ARHGEF7: variants seen among roughly 807,000 people sequenced by gnomAD.
ARHGEF7 encodes the protein PAK-interacting exchange factor beta.
ARHGEF7 carries 33 observed loss-of-function variants against 109.8 expected under a neutral mutation model. The ratio of observed to expected loss-of-function variants is 0.30; its 90% CI spans 0.23 to 0.40. The LOEUF (loss-of-function observed/expected upper bound fraction) is 0.40, where lower values mean the gene tolerates loss of function less well. ARHGEF7 is among the 10% of genes least tolerant of loss of function. The pLI is 1.00. For synonymous variants in ARHGEF7, 458 were observed against 424.6 expected (o/e 1.08, Z -0.97); for missense variants, 938 against 1,098.5 (o/e 0.85, Z 2.07).
At chr13:111,140,208 A>G (rs1185688798) in intron 1 of ARHGEF7, among the ~76,000 whole-genome samples, 1 of 152,212 alleles carries the variant, frequency 6.6e-6, no homozygotes, top group African/African-American at 2.4e-5. Flanking sequence ...TTAAGATTCA[A>G]CCGTCATCCA....
At chr13:111,147,221 A>G (rs1205970340) in intron 1 of ARHGEF7, among the ~76,000 whole-genome samples, 7 of 152,228 alleles carry the variant, frequency 4.6e-5, no homozygotes, top group African/African-American at 1.7e-4. Flanking sequence ...TACCTAGGAA[A>G]GGAATTGCCG....
chr13:111,232,722 T>C (rs2086266533), intron 5 of ARHGEF7, among the ~76,000 whole-genome samples: 1 of 152,164 alleles, frequency 6.6e-6, no homozygotes, highest in Admixed American at 6.5e-5. Context: ...CTCCTCCTTG[T>C]CTCCTGTGAG....
intron 2 of ARHGEF7, among the ~76,000 whole-genome samples, chr13:111,167,247 T>G (rs1020828412): frequency 6.6e-6 from 1 of 152,226 alleles, no homozygotes; most frequent in African/African-American, 2.4e-5. Flanking sequence ...CTGGGCTATT[T>G]GTACGTGAGC....
At chr13:111,213,335 C>T (rs1223788541) in intron 4 of ARHGEF7, among the ~76,000 whole-genome samples, 4 of 152,124 alleles carry the variant, frequency 2.6e-5, no homozygotes, top group African/African-American at 4.8e-5. Flanking sequence ...CTTCACTCCC[C>T]TCCAGTTACT....
intron 1 of ARHGEF7, among the ~76,000 whole-genome samples, chr13:111,140,196 T>C (rs1004539354): frequency 3.3e-5 from 5 of 152,258 alleles, no homozygotes; most frequent in African/African-American, 1.2e-4. Flanking sequence ...ATATGCCATC[T>C]GTTAAGATTC....
intron 2 of ARHGEF7, among the ~76,000 whole-genome samples, chr13:111,167,637 A>G (rs564544936): frequency 6.6e-6 from 1 of 152,274 alleles, no homozygotes; most frequent in South Asian, 2.1e-4. Flanking sequence ...TATAAATGAC[A>G]TGTGTGCATT....
intron 6 of ARHGEF7, among the ~76,000 whole-genome samples, chr13:111,243,656 G>A (rs931878496): frequency 6.6e-6 from 1 of 152,222 alleles, no homozygotes; most frequent in Non-Finnish European, 1.5e-5. Flanking sequence ...ACGGTTGGCA[G>A]TAAGATAAAG....
At chr13:111,176,992 G>A (rs1305235103) in intron 2 of ARHGEF7, among the ~76,000 whole-genome samples, 2 of 152,214 alleles carry the variant, frequency 1.3e-5, no homozygotes, top group African/African-American at 4.8e-5. Flanking sequence ...CCTGACCACA[G>A]GTGATCCACC....
At chr13:111,224,764 A>G (rs562391508) in intron 5 of ARHGEF7, among the ~76,000 whole-genome samples, 38 of 152,302 alleles carry the variant, frequency 2.5e-4, no homozygotes, top group African/African-American at 8.9e-4. Context: ...ATGTGAGTAT[A>G]ATCTGTGCGG....
rs534676030 is a variant in ARHGEF7, at chr13:111,227,726, T to C, written c.671-5479T>C. ...CCTACTTTCTTCTAGGTTTGTTCTT[T>C]GTGATTAATTTGTTCTTCTGTTGGT... On this transcript the variant is annotated intron_variant, in intron 5 of 21. Coordinates refer to ENST00000646102, the MANE Select transcript of ARHGEF7 (RefSeq NM_001354046.2). 4.6e-5 allele frequency among the ~76,000 whole-genome samples: 7 copies of C among 152,340 alleles called. No individual in the cohort carries two copies. In the South Asian group the frequency reaches 8.3e-4, roughly 18 times the overall value.
At chr13:111,195,460 G>C (rs934578478) in intron 2 of ARHGEF7, among the ~76,000 whole-genome samples, 4 of 152,230 alleles carry the variant, frequency 2.6e-5, no homozygotes, top group African/African-American at 9.7e-5. Context: ...TCCTCGGATG[G>C]TAACAGACCT....
chr13:111,232,441 C>A (rs942580240), intron 5 of ARHGEF7, among the ~76,000 whole-genome samples: 6 of 152,104 alleles, frequency 3.9e-5, no homozygotes, highest in Admixed American at 2.0e-4. Flanking sequence ...TCCCGTAGAA[C>A]CATTGGTAGA....
At chr13:111,159,093 A>C (rs1439035187) in intron 2 of ARHGEF7, 1 of 718,006 alleles carries the variant, frequency 1.4e-6, no homozygotes, top group South Asian at 1.5e-5. Flanking sequence ...TGCTTCTGTG[A>C]GTTCAGCTTT....
At chr13:111,271,313 C>T (rs546800357) in intron 9 of ARHGEF7, among the ~76,000 whole-genome samples, 2 of 152,262 alleles carry the variant, frequency 1.3e-5, no homozygotes, top group Admixed American at 1.3e-4. Flanking sequence ...GGGAGTCTGT[C>T]CTGGACCCTC....
chr13:111,133,152 CGTGTATATAT>C (rs2074864497), intron 1 of ARHGEF7, among the ~76,000 whole-genome samples: 2 of 151,562 alleles, frequency 1.3e-5, no homozygotes, highest in African/African-American at 4.8e-5. Context: ...CACATGTGCA[CGTGTATATAT>C]GTGTATATAT....
intron 13 of ARHGEF7, among the ~76,000 whole-genome samples, chr13:111,278,735 C>A (rs1401184664): frequency 6.6e-6 from 1 of 152,230 alleles, no homozygotes; most frequent in Non-Finnish European, 1.5e-5. Flanking sequence ...AAACCTAAAT[C>A]TCTGTCCTTT....
rs1204335949 is a variant in ARHGEF7, at chr13:111,147,949, G to A, written c.166-5956G>A. Among the ~76,000 whole-genome samples, 8 of 152,028 alleles carry A rather than the reference G, an allele frequency of 5.3e-5. No homozygotes were observed. The East Asian group carries it at 1.4e-3, about 26-fold the overall frequency. ...CCTGACCTCGTGATCCGCCCGCCTC[G>A]GCCTCCCAAAGTGCTGGGATTACAG... On this transcript the variant is annotated intron_variant, in intron 1 of 21. Transcript: ENST00000646102.
At chr13:111,269,091 C>T (rs1023987012) in intron 9 of ARHGEF7, among the ~76,000 whole-genome samples, 1 of 152,202 alleles carries the variant, frequency 6.6e-6, no homozygotes, top group African/African-American at 2.4e-5. Flanking sequence ...CGCTTGGGAG[C>T]GTGGGCCATG....
chr13:111,160,668 T>C (rs1256762141), intron 2 of ARHGEF7, among the ~76,000 whole-genome samples: 2 of 152,182 alleles, frequency 1.3e-5, no homozygotes, highest in South Asian at 2.1e-4. Context: ...AAAAAATCTA[T>C]TGGACAGTGC....
Sources: gnomAD v4.1 joint callset for allele counts (sites outside exome capture counted in the v4.1 genomes callset) on GRCh38, gnomAD v4.1.1 for gene constraint, MANE v1.5 for transcripts, NCBI Gene and HGNC (gene_info 2026-07-23, HGNC 2026-07-21) for gene names.